PRKDC: variants seen among roughly 807,000 people sequenced by gnomAD.
PRKDC encodes DNA-dependent protein kinase catalytic subunit.
PRKDC carries 82 observed loss-of-function variants against 486.9 expected under a neutral mutation model. That is an observed-to-expected ratio of 0.17 (90% CI 0.14 to 0.20). PRKDC has a LOEUF of 0.20. PRKDC is among the 10% of genes least tolerant of loss of function. The pLI, the probability that PRKDC is intolerant of heterozygous loss-of-function variation, is 1.00. For synonymous variants in PRKDC, 1,895 were observed against 1,837.0 expected (o/e 1.03, Z -0.81); for missense variants, 4,504 against 5,038.2 (o/e 0.89, Z 3.21).
At chr8:47,942,599 T>G (rs2090463251) in intron 10 of PRKDC, among the ~76,000 whole-genome samples, 1 of 152,202 alleles carries the variant, frequency 6.6e-6, no homozygotes, top group African/African-American at 2.4e-5. Flanking sequence ...AGAAAACATT[T>G]GTTGTGAATC....
intron 46 of PRKDC, 28 bp downstream of exon 46, chr8:47,859,583 A>C (rs1321312943): frequency 6.2e-7 from 1 of 1,603,676 alleles, no homozygotes; most frequent in Non-Finnish European, 8.5e-7. Flanking sequence ...CATCGACAAT[A>C]TTCTTTTAGT....
At chr8:47,846,443 A>G (rs2088266604) in intron 54 of PRKDC, among the ~76,000 whole-genome samples, 1 of 151,892 alleles carries the variant, frequency 6.6e-6, no homozygotes, top group South Asian at 2.1e-4. Context: ...AAAAAGAAAA[A>G]AATCCAACAT....
intron 70 of PRKDC, among the ~76,000 whole-genome samples, chr8:47,801,335 G>A (rs1215782057): frequency 6.6e-6 from 1 of 152,192 alleles, no homozygotes; most frequent in Non-Finnish European, 1.5e-5. Context: ...GCCTCCCAAA[G>A]CACTGAGATT....
At chr8:47,809,386 C>T (rs1188853110) in intron 68 of PRKDC, among the ~76,000 whole-genome samples, 1 of 152,106 alleles carries the variant, frequency 6.6e-6, no homozygotes, top group African/African-American at 2.4e-5. Context: ...CAAGTGGGTA[C>T]TGGATTAACA....
At chr8:47,819,607 G>GA (rs1457038142) in intron 66 of PRKDC, 97 bp from the exon 67 acceptor site, 1 of 531,424 alleles carries the variant, frequency 1.9e-6, no homozygotes, top group Non-Finnish European at 3.1e-6. Context: ...TCTAAATTAT[G>GA]AAATGTAGCA....
intron 64 of PRKDC, among the ~76,000 whole-genome samples, chr8:47,822,289 GAA>G (rs76734626): frequency 1.0e-5 from 1 of 99,828 alleles, no homozygotes; most frequent in African/African-American, 3.8e-5. Context: ...TTTTAAGAGA[GAA>G]AAAAAAAAAA....
chr8:47,937,399 G>A (rs1317345884), intron 11 of PRKDC, among the ~76,000 whole-genome samples: 1 of 152,198 alleles, frequency 6.6e-6, no homozygotes, highest in African/African-American at 2.4e-5. Context: ...TAGACAGTGG[G>A]TACTGAGGAC....
At chr8:47,826,248 C>G (rs2087735996) in intron 63 of PRKDC, among the ~76,000 whole-genome samples, 1 of 152,180 alleles carries the variant, frequency 6.6e-6, no homozygotes, top group Non-Finnish European at 1.5e-5. Flanking sequence ...AATAAACTAA[C>G]TGATTTAAAC....
At chr8:47,853,173 C>A (rs8178168) in intron 51 of PRKDC, among the ~76,000 whole-genome samples, 2 of 152,214 alleles carry the variant, frequency 1.3e-5, no homozygotes, top group Non-Finnish European at 2.9e-5. Flanking sequence ...CTCCCAGTGC[C>A]GTCTGTGTGA....
chr8:47,891,362 T>A (rs972328376), intron 31 of PRKDC, among the ~76,000 whole-genome samples: 1 of 152,216 alleles, frequency 6.6e-6, no homozygotes, highest in Admixed American at 6.5e-5. Context: ...TCAACTGACC[T>A]CGTTAAAAAT....
intron 22 of PRKDC, among the ~76,000 whole-genome samples, chr8:47,917,809 TAAAC>T (rs1472664654): frequency 6.6e-6 from 1 of 152,148 alleles, no homozygotes; most frequent in East Asian, 1.9e-4. Flanking sequence ...ACCAAAAAAA[TAAAC>T]AAAACAGTTA....
At position 47,874,612 on chromosome 8, in the gene PRKDC, A is replaced by T. The variant is rs190147751; in HGVS notation, c.5363+3112T>A. 4.0e-3 allele frequency among the ~76,000 whole-genome samples: 602 copies of T among 152,066 alleles called. 4 individuals are homozygous for T. The highest frequency in any genetic ancestry group is 0.025 in the South Asian group (119 of 4,810). On this transcript the variant is annotated intron_variant, in intron 40 of 85. Coordinates refer to ENST00000314191, the MANE Select transcript of PRKDC (RefSeq NM_006904.7). The stretch of plus-strand genomic sequence containing the variant: ...GTGTCTACTAAAAATACAAAGAATT[A>T]CCCAAGTGTGGTGGTGTGTGCCTGT...
In PRKDC at chr8:47,935,930, T is replaced by A. The variant is rs189406834; in HGVS notation, c.1279-30A>T. The A allele has an allele frequency of 1.2e-3, 1,936 of 1,584,314 alleles. 2 individuals carry two copies. The highest frequency in any genetic ancestry group is 1.5e-3 in the Non-Finnish European group (1,774 of 1,157,578). The stretch of plus-strand genomic sequence containing the variant: ...CGGAAATAATCAGCAAACCGTGAGT[T>A]AGAGGAGGTAATCAATGAATACAGG... On this transcript the variant is annotated intron_variant, in intron 12 of 85. Coordinates refer to ENST00000314191, the MANE Select transcript of PRKDC (RefSeq NM_006904.7).
At chr8:47,821,930 C>G in intron 64 of PRKDC, 138 bp from the exon 65 acceptor site, 1 of 853,612 alleles carries the variant, frequency 1.2e-6, no homozygotes, top group Non-Finnish European at 1.7e-6. Flanking sequence ...AAAAGAGAAG[C>G]TATTCAGAGT....
rs964419481 is a variant in PRKDC at position 47,773,742 on chromosome 8, A to C, written c.*431T>G. On this transcript the variant is annotated 3_prime_UTR_variant, in exon 86 of 86. Coordinates refer to ENST00000314191, the MANE Select transcript of PRKDC (RefSeq NM_006904.7). ...TGTTACATCAACTATACTTAGCTTT[A>C]CTCTCCCAAAATCTTGGTGATGAAG... 14 of 233,468 alleles carry C rather than the reference A, an allele frequency of 6.0e-5. No homozygotes were observed. Among genetic ancestry groups the C allele is most frequent in the African/African-American group, 2.4e-4 (11 of 45,220 alleles). The allele number at this position is 233,468 out of a possible 1,614,324, so 14.5% of individuals were successfully genotyped here. A position where few individuals can be genotyped will look rare whatever the true frequency, so the allele number is the denominator to read the frequency against.
chr8:47,862,600 C>A, intron 42 of PRKDC, 59 bp from the exon 43 acceptor site: 1 of 1,482,506 alleles, frequency 6.7e-7, no homozygotes, highest in South Asian at 1.3e-5. Context: ...CTGCTCAAGC[C>A]CAACAATGCC....
At position 47,862,132 on chromosome 8, in the gene PRKDC, G is replaced by A; in HGVS notation, c.5920-5C>T. ...ATTTTCAAAAATAAGCAAGTTCTGTGAATACAAAGAATCATATAAAAATAG... is the reference window on the plus strand; with the variant it reads ...ATTTTCAAAAATAAGCAAGTTCTGTAAATACAAAGAATCATATAAAAATAG... On this transcript the variant is annotated splice_region_variant and splice_polypyrimidine_tract_variant and intron_variant, in intron 43 of 85. Transcript: ENST00000314191. 1 of 1,542,034 alleles carries A rather than the reference G, an allele frequency of 6.5e-7. No homozygotes were observed. The highest frequency in any genetic ancestry group is 8.8e-7 in the Non-Finnish European group (1 of 1,140,178).
At chr8:47,813,037 T>C (rs1469583822) in intron 68 of PRKDC, among the ~76,000 whole-genome samples, 1 of 151,630 alleles carries the variant, frequency 6.6e-6, no homozygotes, top group Non-Finnish European at 1.5e-5. Context: ...AAAAAGAAAA[T>C]GGACAAAGTG....
intron 21 of PRKDC, among the ~76,000 whole-genome samples, chr8:47,925,863 T>G (rs539614611): frequency 6.6e-6 from 1 of 152,362 alleles, no homozygotes; most frequent in East Asian, 1.9e-4. Context: ...CATGGAGTTC[T>G]TTTTACTGTT....
Sources: allele counts gnomAD v4.1 joint callset (sites outside exome capture counted in the v4.1 genomes callset), GRCh38; gene constraint gnomAD v4.1.1; transcripts MANE v1.5; gene names NCBI Gene and HGNC (gene_info 2026-07-23, HGNC 2026-07-21).